The following CAPZB variants were observed in gnomAD, a reference collection of about 807,000 sequenced individuals.
The protein encoded by CAPZB is F-actin-capping protein subunit beta.
Under a neutral mutation model 38.1 loss-of-function variants are expected in CAPZB, and 2 were observed. That is an observed-to-expected ratio of 0.05 (90% CI 0.02 to 0.17). CAPZB has a LOEUF of 0.17. CAPZB is among the 10% of genes least tolerant of loss of function. The pLI is 1.00. For synonymous variants in CAPZB, 107 were observed against 127.4 expected, an observed-to-expected ratio of 0.84 and a Z score of 1.08; for missense variants, 161 against 334.2, an observed-to-expected ratio of 0.48 and a Z score of 4.04.
At chr1:19,469,502 G>A (rs890111042) in intron 1 of CAPZB, among the ~76,000 whole-genome samples, 3 of 151,980 alleles carry the variant, frequency 2.0e-5, no homozygotes, top group Non-Finnish European at 4.4e-5. Flanking sequence ...TGCAGGAAGG[G>A]AGTCCTCTCA....
chr1:19,385,356 G>T, intron 3 of CAPZB, 149 bp downstream of exon 3: 1 of 754,944 alleles, frequency 1.3e-6, no homozygotes, highest in Non-Finnish European at 2.2e-6. Flanking sequence ...GACAAGAGAA[G>T]AAAGGAGAGG....
intron 1 of CAPZB, chr1:19,449,002 ACGCTGCCCCAGGCTGCT>A: frequency 1.3e-6 from 2 of 1,571,098 alleles, no homozygotes; most frequent in Non-Finnish European, 8.6e-7. Flanking sequence ...GTGACTAGGG[ACGCTGCCCCAGGCTGCT>A]CGCTGCCCGC....
At chr1:19,403,346 T>C (rs2094313478) in intron 2 of CAPZB, among the ~76,000 whole-genome samples, 1 of 152,190 alleles carries the variant, frequency 6.6e-6, no homozygotes, top group Non-Finnish European at 1.5e-5. Flanking sequence ...GCAAGGGGCA[T>C]GCTGGGGGGC....
chr1:19,345,349 T>A, intron 6 of CAPZB, 97 bp from the exon 7 acceptor site: 3 of 1,000,364 alleles, frequency 3.0e-6, no homozygotes, highest in Non-Finnish European at 4.7e-6. Context: ...AAGAGCCTAC[T>A]GTTCCCACCG....
At chr1:19,446,924 TC>T (rs2094497902) in intron 1 of CAPZB, among the ~76,000 whole-genome samples, 1 of 152,224 alleles carries the variant, frequency 6.6e-6, no homozygotes, top group Non-Finnish European at 1.5e-5. Context: ...AAATCCGTGA[TC>T]CATCACGCCA....
At chr1:19,422,425 C>T (rs1414028000) in intron 1 of CAPZB, among the ~76,000 whole-genome samples, 1 of 152,134 alleles carries the variant, frequency 6.6e-6, no homozygotes, top group Admixed American at 6.5e-5. Flanking sequence ...TAAAGTCCCC[C>T]TCAGGAAGAC....
intron 2 of CAPZB, among the ~76,000 whole-genome samples, chr1:19,398,275 T>G (rs796554887): frequency 9.5e-5 from 14 of 147,126 alleles, no homozygotes; most frequent in African/African-American, 3.2e-4. Context: ...TGCTGAGCCC[T>G]GTACTCCTCG....
intron 2 of CAPZB, among the ~76,000 whole-genome samples, chr1:19,391,704 T>C (rs1224661868): frequency 1.3e-5 from 2 of 152,124 alleles, no homozygotes; most frequent in African/African-American, 4.8e-5. Flanking sequence ...GCTGGCTGAG[T>C]GTAACCTTCC....
rs375706911 is a variant in CAPZB at position 19,344,245 on chromosome 1, T to C, written c.731+113A>G. On this transcript the variant is annotated intron_variant, in intron 8 of 8. Transcript: ENST00000264202. ...AATGATCATCCCAGAAGAGGGGCAC[T>C]GCAGCCTACCAATGAGGACACCGAG... 6.3e-5 allele frequency: 50 copies of C among 799,092 alleles called. No homozygotes were observed. The African/African-American group carries it at 7.4e-4, about 12-fold the overall frequency. 49.5% of individuals were successfully genotyped at this position (799,092 alleles called of 1,614,324 possible).
Position 19,449,267 on chromosome 1 carries a change from C to T in CAPZB, c.4-29517G>A, listed in dbSNP as rs996696648. The T allele has an allele frequency of 1.7e-5, 18 of 1,060,872 alleles. No individual in the cohort carries two copies. In the South Asian group the frequency reaches 2.6e-4, roughly 15 times the overall value. 65.7% of individuals were successfully genotyped at this position (1,060,872 alleles called of 1,614,324 possible). On this transcript the variant is annotated intron_variant, in intron 1 of 8. Coordinates refer to ENST00000264202, the MANE Select transcript of CAPZB (RefSeq NM_004930.5). ...GTGGGGTCTTGACACTTGAAAATTC[C>T]GATGACAGCCAGAAGAGGAAATGCA...
At chr1:19,410,368 T>TC (rs2094352128) in intron 2 of CAPZB, among the ~76,000 whole-genome samples, 1 of 152,210 alleles carries the variant, frequency 6.6e-6, no homozygotes, top group African/African-American at 2.4e-5. Context: ...CACTGCTTTT[T>TC]CCAAAATTTT....
At chr1:19,465,374 T>A (rs928369147) in intron 1 of CAPZB, among the ~76,000 whole-genome samples, 8 of 152,206 alleles carry the variant, frequency 5.3e-5, no homozygotes, top group African/African-American at 1.9e-4. Context: ...TGCCAAACAC[T>A]GAGTCTGCCA....
At chr1:19,431,235 G>A (rs974853478) in intron 1 of CAPZB, among the ~76,000 whole-genome samples, 15 of 152,154 alleles carry the variant, frequency 9.9e-5, no homozygotes, top group African/African-American at 3.1e-4. Flanking sequence ...GAAGACATGA[G>A]GCTCCAACGA....
intron 1 of CAPZB, among the ~76,000 whole-genome samples, chr1:19,478,287 A>G (rs534201386): frequency 1.5e-3 from 226 of 152,302 alleles, no homozygotes; most frequent in African/African-American, 5.3e-3. Context: ...AAGTTAAATG[A>G]AACACCACCT....
Position 19,387,567 on chromosome 1 carries a change from G to T in CAPZB, c.94-1941C>A, listed in dbSNP as rs1368847599. On this transcript the variant is annotated intron_variant, in intron 2 of 8. Coordinates refer to ENST00000264202, the MANE Select transcript of CAPZB (RefSeq NM_004930.5). ...GGATGCTGCCTTGGCTTATCTGTTG[G>T]GCCTCAACTTTTGCCTGGAACCCAT... Among the ~76,000 whole-genome samples, 7 of 152,222 alleles carry T rather than the reference G, an allele frequency of 4.6e-5. No individual in the cohort carries two copies. In the East Asian group the frequency reaches 1.4e-3, roughly 29 times the overall value.
At position 19,385,508 on chromosome 1, in the gene CAPZB, T is replaced by A; in HGVS notation, c.212A>T (p.Tyr71Phe). 1 of 1,612,676 alleles carries A rather than the reference T, an allele frequency of 6.2e-7. No homozygotes were observed. Among genetic ancestry groups the A allele is most frequent in the Non-Finnish European group, 8.5e-7 (1 of 1,179,964 alleles). The change falls in exon 3 of 9, where the codon TAT becomes TTT. Residue 71 changes from tyrosine (Y) to phenylalanine (F), a missense_variant. Coordinates refer to ENST00000264202, the MANE Select transcript of CAPZB (RefSeq NM_004930.5). Reference protein sequence around the residue: ...LCDYNRDGDSYRSPWSNKYDP... With the variant: ...LCDYNRDGDSFRSPWSNKYDP... ...CATCCCCGGGGCATGAGCTCACCTA[T>A]AGGAGTCCCCATCTCTGTTGTAGTC...
intron 8 of CAPZB, among the ~76,000 whole-genome samples, chr1:19,340,730 A>G (rs2093923412): frequency 6.6e-6 from 1 of 152,190 alleles, no homozygotes; most frequent in Non-Finnish European, 1.5e-5. Flanking sequence ...AACCCAATTT[A>G]CAGATGAGGA....
chr1:19,396,215 C>G (rs1298146749), intron 2 of CAPZB, among the ~76,000 whole-genome samples: 5 of 152,158 alleles, frequency 3.3e-5, no homozygotes, highest in Admixed American at 1.3e-4. Context: ...GGCCTCATGC[C>G]CGGCTTGATG....
chr1:19,368,662 CTTTTT>C (rs55649494), intron 4 of CAPZB, among the ~76,000 whole-genome samples: 1 of 132,390 alleles, frequency 7.6e-6, no homozygotes, highest in African/African-American at 2.9e-5. Flanking sequence ...GCAAGAATGC[CTTTTT>C]TTTTTTTTTT....
Sources: gnomAD v4.1 joint callset for allele counts (sites outside exome capture counted in the v4.1 genomes callset) on GRCh38, gnomAD v4.1.1 for gene constraint, MANE v1.5 for transcripts, NCBI Gene and HGNC (gene_info 2026-07-23, HGNC 2026-07-21) for gene names.